The following PTPRN2 variants were observed in gnomAD, a reference collection of about 807,000 sequenced individuals.
PTPRN2 encodes protein tyrosine phosphatase receptor type N2, also known as receptor-type tyrosine-protein phosphatase N2.
PTPRN2 carries 74 observed loss-of-function variants against 118.8 expected under a neutral mutation model. That is an observed-to-expected ratio of 0.62 (90% CI 0.52 to 0.76). The LOEUF (loss-of-function observed/expected upper bound fraction) is 0.76, where lower values mean the gene tolerates loss of function less well. PTPRN2 is among the 30% of genes least tolerant of loss of function. PTPRN2 has a pLI of 0.00. For synonymous variants in PTPRN2, 641 were observed against 608.0 expected (o/e 1.05, Z -0.80); for missense variants, 1,481 against 1,394.4 (o/e 1.06, Z -0.99).
At chr7:157,770,047 T>C (rs1211883706) in intron 12 of PTPRN2, among the ~76,000 whole-genome samples, 1 of 152,196 alleles carries the variant, frequency 6.6e-6, no homozygotes, top group Non-Finnish European at 1.5e-5. Context: ...TCTCTGTGGC[T>C]TCCTTGGTCT....
chr7:157,758,558 G>A (rs1801944443), intron 12 of PTPRN2, among the ~76,000 whole-genome samples: 1 of 152,226 alleles, frequency 6.6e-6, no homozygotes, highest in African/African-American at 2.4e-5. Context: ...GCAGGTGGCA[G>A]CTGCTGTGCT....
At chr7:157,994,553 A>AAC (rs1554509678) in intron 11 of PTPRN2, among the ~76,000 whole-genome samples, 2 of 143,072 alleles carry the variant, frequency 1.4e-5, no homozygotes, top group Admixed American at 7.0e-5. Flanking sequence ...TCCTAAAATC[A>AAC]GCACCGCGTC....
At chr7:158,386,217 GCT>G (rs1217311590) in intron 2 of PTPRN2, among the ~76,000 whole-genome samples, 11 of 129,976 alleles carry the variant, frequency 8.5e-5, no homozygotes, top group Admixed American at 1.6e-4. Flanking sequence ...CTCCTCCTGT[GCT>G]CTGAGTCCCT....
rs796344728 is a variant in PTPRN2, at chr7:157,667,008, T to C, written c.2002-10457A>G. Among the ~76,000 whole-genome samples the C allele has an allele frequency of 1.6e-3, 142 of 87,604 alleles. 1 individual carries two copies. Among genetic ancestry groups the C allele is most frequent in the Admixed American group, 4.2e-3 (34 of 8,072 alleles). 57.5% of individuals were successfully genotyped at this position (87,604 alleles called of 152,430 possible). ...GGACACTGATCTCTGGTGTGTGCAA[T>C]GAGTACACAGCCTGACTTGCACACT... is the stretch of plus-strand genomic sequence containing the variant. On this transcript the variant is annotated intron_variant, in intron 13 of 22. Transcript: ENST00000389418.
At chr7:158,070,821 CGTG>C (rs199804439) in intron 11 of PTPRN2, among the ~76,000 whole-genome samples, 73 of 101,406 alleles carry the variant, frequency 7.2e-4, no homozygotes, top group African/African-American at 3.0e-3. Context: ...TGAAGGTGCC[CGTG>C]GTGGTGGAGG....
chr7:158,249,144 ACATATT>A (rs1242810021), intron 3 of PTPRN2, among the ~76,000 whole-genome samples: 2 of 151,158 alleles, frequency 1.3e-5, no homozygotes, highest in African/African-American at 4.9e-5. Context: ...CACGTGAATC[ACATATT>A]CATATCACCA....
rs746756257 is a variant in PTPRN2, at chr7:157,632,279, C to A, written c.2197-10770G>T. Among the ~76,000 whole-genome samples the A allele has an allele frequency of 2.0e-4, 31 of 152,108 alleles. No individual in the cohort carries two copies. The highest frequency in any genetic ancestry group is 4.0e-4 in the Non-Finnish European group (27 of 68,020). On this transcript the variant is annotated intron_variant, in intron 14 of 22. Coordinates refer to ENST00000389418, the MANE Select transcript of PTPRN2 (RefSeq NM_002847.5). The surrounding 1 kb of genome is among the most constrained non-coding windows in gnomAD (Gnocchi z 4.3). Reference sequence around the variant, plus strand: ...AAGGACTGCATGAAGACCTGCGATGCGTGGAAAGGTGGCCTGGTGCACCAA... The same window carrying A: ...AAGGACTGCATGAAGACCTGCGATGAGTGGAAAGGTGGCCTGGTGCACCAA...
intron 9 of PTPRN2, among the ~76,000 whole-genome samples, chr7:158,114,133 G>C (rs1226200513): frequency 6.6e-6 from 1 of 152,230 alleles, no homozygotes; most frequent in Admixed American, 6.5e-5. Flanking sequence ...GTTTGGGAGT[G>C]GTTACAGCAA....
intron 1 of PTPRN2, among the ~76,000 whole-genome samples, chr7:158,518,650 C>A (rs184440254): frequency 2.0e-5 from 3 of 152,268 alleles, no homozygotes; most frequent in East Asian, 1.9e-4. Flanking sequence ...GAAGGACGAA[C>A]CTTCCCCAAG....
At chr7:157,860,777 A>G (rs1198400176) in intron 12 of PTPRN2, among the ~76,000 whole-genome samples, 1 of 152,274 alleles carries the variant, frequency 6.6e-6, no homozygotes, top group Non-Finnish European at 1.5e-5. Flanking sequence ...CATAGTTAAA[A>G]TGAAACAGAA....
At chr7:158,448,359 A>G (rs1817868769) in intron 2 of PTPRN2, among the ~76,000 whole-genome samples, 1 of 152,252 alleles carries the variant, frequency 6.6e-6, no homozygotes, top group African/African-American at 2.4e-5. Context: ...ATAGTAAGTT[A>G]GCATGAAAAC....
chr7:157,858,126 C>T (rs541462379), intron 12 of PTPRN2, among the ~76,000 whole-genome samples: 55 of 89,356 alleles, frequency 6.2e-4, no homozygotes, highest in South Asian at 1.8e-3. Context: ...AGCCACCACC[C>T]ACACTCCTGC....
At chr7:158,533,984 C>G (rs1051508397) in intron 1 of PTPRN2, among the ~76,000 whole-genome samples, 39 of 152,220 alleles carry the variant, frequency 2.6e-4, no homozygotes, top group African/African-American at 8.4e-4. Flanking sequence ...TGGGCCTCCA[C>G]TGGCCAGTGC....
rs781186936 is a variant in PTPRN2 at position 158,262,598 on chromosome 7, A to AC, written c.277+54220_277+54221insG. On this transcript the variant is annotated intron_variant, in intron 3 of 22. Transcript: ENST00000389418. ...ACACACAGCACACACATTCACACAC[A>AC]TTCACACACACTGCACACACACATA... 2.8e-4 allele frequency among the ~76,000 whole-genome samples: 42 copies of AC among 149,432 alleles called. No homozygotes were observed. In the East Asian group the frequency reaches 6.9e-3, roughly 25 times the overall value.
At chr7:158,508,549 T>C (rs1292384271) in intron 1 of PTPRN2, among the ~76,000 whole-genome samples, 1 of 151,954 alleles carries the variant, frequency 6.6e-6, no homozygotes, top group Non-Finnish European at 1.5e-5. Flanking sequence ...GAAGGCAGCC[T>C]GTGGGGAGCT....
At chr7:157,781,065 T>A (rs1803650561) in intron 12 of PTPRN2, among the ~76,000 whole-genome samples, 1 of 152,170 alleles carries the variant, frequency 6.6e-6, no homozygotes, top group Non-Finnish European at 1.5e-5. Flanking sequence ...CTTCTAGCCA[T>A]GCTCACTCCC....
At chr7:157,744,415 C>A (rs1367140811) in intron 12 of PTPRN2, among the ~76,000 whole-genome samples, 1 of 152,204 alleles carries the variant, frequency 6.6e-6, no homozygotes. Context: ...AGCCTCCCAT[C>A]CCAGCATCGG....
chr7:158,523,345 C>A (rs1824363730), intron 1 of PTPRN2, among the ~76,000 whole-genome samples: 1 of 152,210 alleles, frequency 6.6e-6, no homozygotes, highest in Non-Finnish European at 1.5e-5. Flanking sequence ...GACAGCGAGT[C>A]TGCCCTGAAG....
At chr7:157,778,863 C>T (rs1409218453) in intron 12 of PTPRN2, among the ~76,000 whole-genome samples, 2 of 152,226 alleles carry the variant, frequency 1.3e-5, no homozygotes, top group Non-Finnish European at 2.9e-5. Context: ...CGCTGAATGC[C>T]CACATATGCA....
Sources: allele counts gnomAD v4.1 joint callset (sites outside exome capture counted in the v4.1 genomes callset), GRCh38; gene constraint gnomAD v4.1.1; non-coding constraint Gnocchi (gnomAD v3.1); transcripts MANE v1.5; gene names NCBI Gene and HGNC (gene_info 2026-07-23, HGNC 2026-07-21).